Variants in RBFOX1 observed in about 807,000 individuals in gnomAD.
The protein encoded by RBFOX1 is RNA binding fox-1 homolog 1.
Under a neutral mutation model 57.7 loss-of-function variants are expected in RBFOX1, and 8 were observed. The observed-to-expected ratio is 0.14, with a 90% CI of 0.08 to 0.25. RBFOX1 has a LOEUF of 0.25. RBFOX1 is among the 10% of genes least tolerant of loss of function. RBFOX1 has a pLI of 1.00. For synonymous variants in RBFOX1, 326 were observed against 222.4 expected, an observed-to-expected ratio of 1.47 and a Z score of -4.15; for missense variants, 611 against 548.5, an observed-to-expected ratio of 1.11 and a Z score of -1.14.
chr16:5,694,266 G>T (rs1157498359), intron 3 of RBFOX1, among the ~76,000 whole-genome samples: 1 of 152,164 alleles, frequency 6.6e-6, no homozygotes, highest in Non-Finnish European at 1.5e-5. Flanking sequence ...CCAAGACTGT[G>T]ATCCTTCATC....
intron 1 of RBFOX1, among the ~76,000 whole-genome samples, chr16:6,122,830 G>T (rs563084358): frequency 6.7e-6 from 1 of 149,234 alleles, no homozygotes; most frequent in African/African-American, 2.5e-5. Flanking sequence ...GTGTGTGTGT[G>T]TATAAAATAT....
chr16:6,873,312 T>G (rs1171157589), intron 3 of RBFOX1, among the ~76,000 whole-genome samples: 7 of 152,146 alleles, frequency 4.6e-5, no homozygotes, highest in Admixed American at 3.9e-4. Flanking sequence ...TTGAGCTTCC[T>G]TATGTTGGAG....
chr16:5,842,062 A>T (rs1317115215), intron 3 of RBFOX1, among the ~76,000 whole-genome samples: 1 of 152,136 alleles, frequency 6.6e-6, no homozygotes, highest in African/African-American at 2.4e-5. Context: ...GTAGATGGTG[A>T]ATCTCTGCCC....
Position 6,404,529 on chromosome 16 carries a change from G to A in RBFOX1, c.-64+87472G>A, listed in dbSNP as rs950907738. 5.3e-5 allele frequency among the ~76,000 whole-genome samples: 8 copies of A among 152,266 alleles called. 1 individual carries two copies. Among genetic ancestry groups the A allele is most frequent in the African/African-American group, 1.9e-4 (8 of 41,558 alleles). ...TATACTACAAATGGAGTGCGTGTGTGTTCTCTACTCTAATATTTCATGCCA... is the reference window on the plus strand; with the variant it reads ...TATACTACAAATGGAGTGCGTGTGTATTCTCTACTCTAATATTTCATGCCA... On this transcript the variant is annotated intron_variant, in intron 2 of 15. Transcript: ENST00000550418.
intron 4 of RBFOX1, among the ~76,000 whole-genome samples, chr16:7,115,931 T>C (rs768557159): frequency 2.0e-5 from 3 of 152,288 alleles, no homozygotes; most frequent in Non-Finnish European, 2.9e-5. Flanking sequence ...ATGACACTTA[T>C]TGGGGGCTTC....
At chr16:5,620,939 C>T (rs1389050280) in intron 3 of RBFOX1, among the ~76,000 whole-genome samples, 2 of 152,098 alleles carry the variant, frequency 1.3e-5, no homozygotes, top group African/African-American at 4.8e-5. Flanking sequence ...CTCCCGGGTT[C>T]CTGCCATTCT....
intron 2 of RBFOX1, among the ~76,000 whole-genome samples, chr16:6,510,042 A>G (rs1445885204): frequency 6.6e-6 from 1 of 152,184 alleles, no homozygotes; most frequent in Non-Finnish European, 1.5e-5. Context: ...TGATTGAAGC[A>G]GCTTCATATC....
intron 1 of RBFOX1, among the ~76,000 whole-genome samples, chr16:5,314,049 G>A (rs139434257): frequency 2.0e-4 from 30 of 152,246 alleles, no homozygotes; most frequent in Admixed American, 3.9e-4. Flanking sequence ...AATAATGATC[G>A]CATAATGTGA....
At chr16:6,342,456 A>C (rs1007155346) in intron 2 of RBFOX1, among the ~76,000 whole-genome samples, 3 of 152,214 alleles carry the variant, frequency 2.0e-5, no homozygotes, top group Admixed American at 6.5e-5. Context: ...AGACTAGCCC[A>C]TGAATGGCAC....
chr16:6,122,614 C>T (rs1414938980), intron 1 of RBFOX1, among the ~76,000 whole-genome samples: 2 of 152,146 alleles, frequency 1.3e-5, no homozygotes, highest in African/African-American at 4.8e-5. Context: ...ACCCGCTCCC[C>T]ATTAATGATT....
At chr16:6,660,790 A>G (rs1172271960) in intron 3 of RBFOX1, among the ~76,000 whole-genome samples, 1 of 152,148 alleles carries the variant, frequency 6.6e-6, no homozygotes. Flanking sequence ...ATCCACACCT[A>G]CAGGCCTACC....
Position 6,026,467 on chromosome 16 carries a change from A to G in RBFOX1, c.-127+6475A>G, listed in dbSNP as rs1023411162. On this transcript the variant is annotated intron_variant, in intron 1 of 15. Coordinates refer to ENST00000550418, the MANE Select transcript of RBFOX1 (RefSeq NM_018723.4). ...GCACTTCCAAGATTTTGAACCTGAC[A>G]GTCTGAGTCCACAGCCCCTGATGCT... Among the ~76,000 whole-genome samples, 10 of 152,360 alleles carry G rather than the reference A, an allele frequency of 6.6e-5. No individual in the cohort carries two copies. In the South Asian group the frequency reaches 1.4e-3, roughly 22 times the overall value.
intron 2 of RBFOX1, among the ~76,000 whole-genome samples, chr16:6,557,422 C>T (rs1054260038): frequency 2.0e-5 from 3 of 152,012 alleles, no homozygotes; most frequent in South Asian, 2.1e-4. Context: ...TGGGACAGTA[C>T]GATTTCACAA....
intron 1 of RBFOX1, among the ~76,000 whole-genome samples, chr16:6,291,392 G>A (rs1349639007): frequency 6.6e-6 from 1 of 152,164 alleles, no homozygotes; most frequent in African/African-American, 2.4e-5. Flanking sequence ...AGATGGTGGA[G>A]GCCGCAGGGA....
At chr16:6,567,989 T>C (rs910185332) in intron 2 of RBFOX1, among the ~76,000 whole-genome samples, 1 of 152,038 alleles carries the variant, frequency 6.6e-6, no homozygotes, top group African/African-American at 2.4e-5. Flanking sequence ...CCAGGCTAAT[T>C]ATTTAAATTC....
intron 2 of RBFOX1, among the ~76,000 whole-genome samples, chr16:6,614,177 C>G (rs969548656): frequency 6.6e-6 from 1 of 152,080 alleles, no homozygotes; most frequent in Admixed American, 6.6e-5. Context: ...TCATATCATT[C>G]AGATCTTGTT....
At chr16:7,107,239 G>T (rs2063779438) in intron 4 of RBFOX1, among the ~76,000 whole-genome samples, 1 of 152,118 alleles carries the variant, frequency 6.6e-6, no homozygotes, top group Non-Finnish European at 1.5e-5. Context: ...AAACCTGTGG[G>T]AGATCAGCAC....
intron 2 of RBFOX1, among the ~76,000 whole-genome samples, chr16:6,482,968 A>G (rs1234019113): frequency 6.6e-6 from 1 of 152,208 alleles, no homozygotes; most frequent in African/African-American, 2.4e-5. Context: ...AAGGTGCCCT[A>G]TTCTGTCATG....
intron 3 of RBFOX1, among the ~76,000 whole-genome samples, chr16:5,794,869 C>T (rs1597284614): frequency 2.0e-5 from 3 of 152,232 alleles, no homozygotes; most frequent in Admixed American, 6.5e-5. Flanking sequence ...CCTACTATGG[C>T]GACATTCGGC....
Sources: gnomAD v4.1 joint callset for allele counts (sites outside exome capture counted in the v4.1 genomes callset) on GRCh38, gnomAD v4.1.1 for gene constraint, MANE v1.5 for transcripts, NCBI Gene and HGNC (gene_info 2026-07-23, HGNC 2026-07-21) for gene names.